ATP6V1B2: variants seen among roughly 807,000 people sequenced by gnomAD.
ATP6V1B2 encodes ATPase H+ transporting V1 subunit B2, also known as V-type proton ATPase subunit B, brain isoform.
ATP6V1B2 carries 23 observed loss-of-function variants against 66.7 expected under a neutral mutation model. The ratio of observed to expected loss-of-function variants is 0.34; its 90% CI spans 0.25 to 0.49. The LOEUF (loss-of-function observed/expected upper bound fraction) is 0.49, where lower values mean the gene tolerates loss of function less well. Ranked by LOEUF, ATP6V1B2 falls within the 20% of genes least tolerant of loss-of-function variation. The pLI is 0.99. For missense variants in ATP6V1B2, 478 were observed against 650.8 expected (o/e 0.73, Z 2.89); for synonymous variants, 278 against 236.7 (o/e 1.17, Z -1.60).
chr8:20,216,749 G>T, intron 11 of ATP6V1B2: 1 of 331,382 alleles, frequency 3.0e-6, no homozygotes, highest in Non-Finnish European at 5.5e-6. Flanking sequence ...ACTTTTTTGG[G>T]AATTCTGTTC....
intron 9 of ATP6V1B2, chr8:20,213,776 T>G (rs2072820272): frequency 6.6e-6 from 1 of 152,246 alleles, no homozygotes; most frequent in Non-Finnish European, 1.5e-5. Context: ...GACAGGCTTC[T>G]TAAAATTCCT....
chr8:20,210,488 A>T, intron 4 of ATP6V1B2, 49 bp downstream of exon 4: 1 of 1,606,854 alleles, frequency 6.2e-7, no homozygotes, highest in Non-Finnish European at 8.5e-7. Context: ...CCTTTTAAAC[A>T]TATTTCCATA....
At position 20,212,212 on chromosome 8, in the gene ATP6V1B2, G is replaced by T; in HGVS notation, c.803+13G>T. On this transcript the variant is annotated intron_variant, in intron 8 of 13. Transcript: ENST00000276390. ...CTAATGACCCAACGTAAGTAACAGA[G>T]CTATTTCTTTCTGTGGCCCAGACTC... is the stretch of plus-strand genomic sequence containing the variant. 6.2e-7 allele frequency: 1 copy of T among 1,609,712 alleles called. No individual in the cohort carries two copies. The highest frequency in any genetic ancestry group is 8.5e-7 in the Non-Finnish European group (1 of 1,176,478).
Position 20,220,537 on chromosome 8 carries a change from C to T in ATP6V1B2, c.*135C>T. 7.9e-7 allele frequency: 1 copy of T among 1,264,520 alleles called. No individual in the cohort carries two copies. The highest frequency in any genetic ancestry group is 1.0e-6 in the Non-Finnish European group (1 of 957,868). 78.3% of individuals were successfully genotyped at this position (1,264,520 alleles called of 1,614,324 possible). A position where few individuals can be genotyped will look rare whatever the true frequency, so the allele number is the denominator to read the frequency against. On this transcript the variant is annotated 3_prime_UTR_variant, in exon 14 of 14. Transcript: ENST00000276390. ...GTAATTAAAAACAAAGAATAGGTAA[C>T]ATATTGTGCCAGTGTTGCAACGTTT...
In ATP6V1B2 at chr8:20,197,459, C is replaced by T. The variant is rs1011042170; in HGVS notation, c.53C>T (p.Pro18Leu). 2.0e-6 allele frequency: 3 copies of T among 1,532,190 alleles called. No individual in the cohort carries two copies. The highest frequency in any genetic ancestry group is 2.6e-5 in the East Asian group (1 of 37,754). The allele number at this position is 1,532,190 out of a possible 1,614,324, so 94.9% of individuals were successfully genotyped here. The change falls in exon 1 of 14, where the codon CCC (proline) becomes CTC (leucine). Residue 18 changes from proline (P) to leucine (L), a missense_variant. By Grantham distance (98) the Pro-to-Leu change is moderately conservative. This residue lies in a region of ATP6V1B2 where 152 missense variants were observed against 105.2 expected (regional missense o/e 1.44). Transcript: ENST00000276390. Reference protein sequence around the residue: ...GIVNGAAPELPVPTGGPAVGA... With the variant: ...GIVNGAAPELLVPTGGPAVGA... ...GTCAACGGGGCCGCACCCGAGCTAC[C>T]CGTGCCCACCGGTGGGCCGGCGGTG...
chr8:20,199,753 G>A (rs914294930), intron 1 of ATP6V1B2, among the ~76,000 whole-genome samples: 2 of 151,834 alleles, frequency 1.3e-5, no homozygotes, highest in Non-Finnish European at 2.9e-5. Context: ...TGGGACTACG[G>A]GCGCACGCCG....
chr8:20,209,588 T>C, intron 3 of ATP6V1B2, 57 bp downstream of exon 3: 3 of 1,448,898 alleles, frequency 2.1e-6, no homozygotes, highest in Non-Finnish European at 2.9e-6. Context: ...TAGGGAACAC[T>C]GCTTGTTTCT....
At chr8:20,201,826 C>G (rs2072690696) in intron 1 of ATP6V1B2, among the ~76,000 whole-genome samples, 1 of 152,084 alleles carries the variant, frequency 6.6e-6, no homozygotes, top group African/African-American at 2.4e-5. Context: ...TCTGGGAAGG[C>G]CAAAGTGGAG....
chr8:20,210,532 A>G, intron 4 of ATP6V1B2, 37 bp from the exon 5 acceptor site: 1 of 1,610,152 alleles, frequency 6.2e-7, no homozygotes, highest in Non-Finnish European at 8.5e-7. Context: ...TTTGAAAGTC[A>G]GCATCTACTC....
chr8:20,213,246 G>C, intron 9 of ATP6V1B2: 1 of 262,854 alleles, frequency 3.8e-6, no homozygotes, highest in Non-Finnish European at 7.3e-6. Flanking sequence ...AAACCTTTTT[G>C]TAATTCCATT....
chr8:20,209,561 T>A (rs759040803), intron 3 of ATP6V1B2, 30 bp downstream of exon 3: 1 of 1,580,336 alleles, frequency 6.3e-7, no homozygotes, highest in South Asian at 1.1e-5. Flanking sequence ...CTGAACTGTT[T>A]CCTAGTTGCC....
At chr8:20,204,334 T>C in intron 1 of ATP6V1B2, 150 bp from the exon 2 acceptor site, 1 of 629,954 alleles carries the variant, frequency 1.6e-6, no homozygotes, top group Non-Finnish European at 2.7e-6. Flanking sequence ...AGATGTAGTT[T>C]ATAAATGCAT....
At chr8:20,214,054 T>C (rs2072824725) in intron 9 of ATP6V1B2, 2 of 152,240 alleles carry the variant, frequency 1.3e-5, no homozygotes, top group Admixed American at 1.3e-4. Flanking sequence ...GATCATTGCA[T>C]GTTGATAACA....
intron 2 of ATP6V1B2, among the ~76,000 whole-genome samples, chr8:20,208,704 A>G (rs1248297109): frequency 1.4e-5 from 2 of 138,244 alleles, no homozygotes; most frequent in Non-Finnish European, 3.1e-5. Flanking sequence ...TTATTTAGTA[A>G]CTTTCTTTTT....
At chr8:20,210,689 C>G (rs2072784839) in intron 5 of ATP6V1B2, 43 bp downstream of exon 5, 6 of 1,549,048 alleles carry the variant, frequency 3.9e-6, no homozygotes. Flanking sequence ...AGAAAATAAC[C>G]TCACTCTGTC....
At chr8:20,206,455 G>C (rs1013376288) in intron 2 of ATP6V1B2, among the ~76,000 whole-genome samples, 7 of 152,132 alleles carry the variant, frequency 4.6e-5, no homozygotes, top group African/African-American at 1.7e-4. Context: ...TTGATAATTT[G>C]CTAGAATAGG....
intron 1 of ATP6V1B2, among the ~76,000 whole-genome samples, chr8:20,202,836 C>T (rs1401105186): frequency 6.6e-6 from 1 of 152,334 alleles, no homozygotes; most frequent in African/African-American, 2.4e-5. Context: ...TCCCCTCCCT[C>T]ACCCCAGCTG....
intron 3 of ATP6V1B2, 33 bp from the exon 4 acceptor site, chr8:20,210,313 T>C (rs767177778): frequency 7.7e-6 from 12 of 1,564,310 alleles, no homozygotes; most frequent in Non-Finnish European, 1.1e-5. Flanking sequence ...CTAAATTACT[T>C]CTACCCTTCT....
chr8:20,205,127 T>G (rs1391403619), intron 2 of ATP6V1B2, among the ~76,000 whole-genome samples: 1 of 152,234 alleles, frequency 6.6e-6, no homozygotes, highest in East Asian at 1.9e-4. Flanking sequence ...TAACGTTTTG[T>G]AAAAGAATAC....
Sources: allele counts gnomAD v4.1 joint callset (sites outside exome capture counted in the v4.1 genomes callset), GRCh38; gene constraint gnomAD v4.1.1; regional missense constraint gnomAD v4.1.1; transcripts MANE v1.5; gene names NCBI Gene and HGNC (gene_info 2026-07-23, HGNC 2026-07-21).